The following CPT1A variants were observed in gnomAD, a reference collection of about 807,000 sequenced individuals.
CPT1A encodes the protein carnitine palmitoyltransferase 1A.
In CPT1A, 64 loss-of-function variants were observed where a neutral mutation model predicts 100.8. The ratio of observed to expected loss-of-function variants is 0.63; its 90% CI spans 0.52 to 0.78. The LOEUF is 0.78. Ranked by LOEUF, CPT1A falls within the 30% of genes least tolerant of loss-of-function variation. The pLI is 0.00. For missense variants in CPT1A, 802 were observed against 1,034.1 expected, an observed-to-expected ratio of 0.78 and a Z score of 3.08; for synonymous variants, 363 against 396.0, an observed-to-expected ratio of 0.92 and a Z score of 0.99.
upstream of CPT1A, among the ~76,000 whole-genome samples, chr11:68,843,350 G>A (rs943651600): frequency 3.3e-5 from 5 of 151,308 alleles, no homozygotes; most frequent in South Asian, 1.0e-3. This position sits in a 1 kb window ranked among gnomAD's most constrained non-coding sequence, Gnocchi z 4.0. Context: ...TGGACAATTA[G>A]GGCCTCCTCC....
chr11:68,812,467 A>G lies in CPT1A; in HGVS notation c.251T>C (p.Ile84Thr), dbSNP rs1856240911. 1 of 1,614,034 alleles carries G rather than the reference A, an allele frequency of 6.2e-7. No individual in the cohort carries two copies. Among genetic ancestry groups the G allele is most frequent in the African/African-American group, 1.3e-5 (1 of 74,896 alleles). Residue 84 changes from isoleucine to threonine, a missense_variant, in exon 3 of 19, where the codon ATT becomes ACT. By Grantham distance (89) the Ile-to-Thr change is moderately conservative (BLOSUM62 -1). Around this residue, in one of 4 missense-constraint regions of CPT1A, gnomAD observed 161 missense variants for 183.7 expected, o/e 0.88. Coordinates refer to ENST00000265641, the MANE Select transcript of CPT1A (RefSeq NM_001876.4). The part of the protein sequence containing the change: ...YAKIDPSLGI[I>T]AKINRTLETA... The stretch of plus-strand genomic sequence containing the variant: ...TTCCAGAGTCCGATTGATTTTTGCA[A>G]TTATTCCTAACGAGGGGTCGATCTT...
intron 1 of CPT1A, among the ~76,000 whole-genome samples, chr11:68,838,585 A>AAAC: frequency 6.8e-6 from 1 of 147,672 alleles, no homozygotes; most frequent in African/African-American, 2.5e-5. Context: ...AAAAAAAAAA[A>AAAC]AAAAAACAGA....
chr11:68,777,877 T>G (rs541774653), intron 12 of CPT1A, among the ~76,000 whole-genome samples: 1 of 152,206 alleles, frequency 6.6e-6, no homozygotes, highest in African/African-American at 2.4e-5. Context: ...GTGCAGAGAT[T>G]TATTAAAGCG....
intron 12 of CPT1A, among the ~76,000 whole-genome samples, chr11:68,778,077 G>A (rs1303896136): frequency 6.6e-6 from 1 of 151,566 alleles, no homozygotes; most frequent in Non-Finnish European, 1.5e-5. Context: ...AAAGCCTAGA[G>A]CACTATGTTT....
chr11:68,826,105 C>T (rs1248948293), intron 1 of CPT1A, among the ~76,000 whole-genome samples: 1 of 152,208 alleles, frequency 6.6e-6, no homozygotes, highest in Non-Finnish European at 1.5e-5. Context: ...AGACCAGAGT[C>T]TGAGAGTGGT....
intron 1 of CPT1A, among the ~76,000 whole-genome samples, chr11:68,826,578 CA>C (rs895233713): frequency 1.1e-4 from 16 of 144,036 alleles, no homozygotes; most frequent in Admixed American, 2.8e-4. Context: ...ACTAAAAATA[CA>C]AAAAAAAAAT....
chr11:68,804,234 C>CAAGG (rs1321720025), intron 4 of CPT1A, 133 bp from the exon 5 acceptor site: 21 of 721,928 alleles, frequency 2.9e-5, no homozygotes, highest in Admixed American at 1.6e-4. Flanking sequence ...ATTTCAAAGA[C>CAAGG]AAGGCTATGT....
intron 3 of CPT1A, 135 bp downstream of exon 3, chr11:68,812,302 A>T: frequency 7.8e-7 from 1 of 1,278,016 alleles, no homozygotes; most frequent in Non-Finnish European, 1.1e-6. Flanking sequence ...ACAGGAAGAA[A>T]GCTGACGTGA....
intron 10 of CPT1A, among the ~76,000 whole-genome samples, chr11:68,782,902 G>C (rs1426494173): frequency 1.3e-5 from 2 of 152,180 alleles, no homozygotes; most frequent in Non-Finnish European, 2.9e-5. Context: ...TGCTGATCTG[G>C]CCCTATCCAG....
In CPT1A at chr11:68,755,243, TG is replaced by T. The variant is rs1946668349; in HGVS notation, c.*2400del. ...ACTCAAAATGCCCTGTGAACTCTAG[TG>T]TAACACAGATTGCTCAGTGGTCAAC... On this transcript the variant is annotated 3_prime_UTR_variant, in exon 19 of 19. Coordinates refer to ENST00000265641, the MANE Select transcript of CPT1A (RefSeq NM_001876.4). 1 of 210,388 alleles carries T rather than the reference TG, an allele frequency of 4.8e-6. No homozygotes were observed. The highest frequency in any genetic ancestry group is 7.8e-5 in the South Asian group (1 of 12,770). 13.0% of individuals were successfully genotyped at this position (210,388 alleles called of 1,614,324 possible). A position where few individuals can be genotyped will look rare whatever the true frequency, so the allele number is the denominator to read the frequency against.
chr11:68,759,872 T>TAC lies in CPT1A; in HGVS notation c.2143-213_2143-212dup, dbSNP rs34518934. On this transcript the variant is annotated intron_variant, in intron 17 of 18. Coordinates refer to ENST00000265641, the MANE Select transcript of CPT1A (RefSeq NM_001876.4). ...GTGAAACCCTGTCTCTACAAAAAAA[T>TAC]ACACACACACACACAAATTAGCTGG... 0.35 allele frequency among the ~76,000 whole-genome samples: 51,886 copies of TAC among 150,204 alleles called. 11,222 individuals are homozygous for TAC. The highest frequency in any genetic ancestry group is 0.46 in the Non-Finnish European group (30,784 of 67,474).
chr11:68,794,173 GA>G (rs1360175164), intron 8 of CPT1A, among the ~76,000 whole-genome samples: 1 of 151,896 alleles, frequency 6.6e-6, no homozygotes, highest in Non-Finnish European at 1.5e-5. Flanking sequence ...CTAGAATTCC[GA>G]AAAAAAGAGT....
In CPT1A at chr11:68,789,314, G is replaced by C; in HGVS notation, c.967+4001C>G. 3.3e-5 allele frequency among the ~76,000 whole-genome samples: 5 copies of C among 152,212 alleles called. No individual in the cohort carries two copies. The South Asian group carries it at 1.0e-3, about 32-fold the overall frequency. On this transcript the variant is annotated intron_variant, in intron 9 of 18. Coordinates refer to ENST00000265641, the MANE Select transcript of CPT1A (RefSeq NM_001876.4). ...AGGATTGTGACTGATGGGATCCTCC[G>C]GTGGGGATGTCTGAGAAAGTGGGTG...
At chr11:68,772,112 G>T (rs1321141670) in intron 14 of CPT1A, among the ~76,000 whole-genome samples, 1 of 152,252 alleles carries the variant, frequency 6.6e-6, no homozygotes, top group Non-Finnish European at 1.5e-5. Flanking sequence ...AGCACTTTGG[G>T]AGGCCAAGGC....
At chr11:68,779,919 C>T (rs911659347) in intron 12 of CPT1A, among the ~76,000 whole-genome samples, 2 of 151,956 alleles carry the variant, frequency 1.3e-5, no homozygotes, top group Non-Finnish European at 2.9e-5. Context: ...GTAAAAGACA[C>T]GCTGCATGTT....
intron 11 of CPT1A, among the ~76,000 whole-genome samples, chr11:68,781,058 G>A (rs1015432653): frequency 1.3e-5 from 2 of 152,186 alleles, no homozygotes; most frequent in Non-Finnish European, 2.9e-5. Flanking sequence ...CCCTTCATCA[G>A]CCAATCCTTG....
At chr11:68,793,700 C>T (rs867570026) in intron 8 of CPT1A, among the ~76,000 whole-genome samples, 2 of 149,182 alleles carry the variant, frequency 1.3e-5, no homozygotes, top group Non-Finnish European at 1.5e-5. Context: ...GAGCTGAGAT[C>T]GTGCCACTAC....
chr11:68,776,311 A>T (rs1462512673), intron 12 of CPT1A, among the ~76,000 whole-genome samples: 1 of 152,168 alleles, frequency 6.6e-6, no homozygotes, highest in Non-Finnish European at 1.5e-5. Flanking sequence ...AGGTGGGAAG[A>T]TCACCTGAGC....
chr11:68,820,125 G>A (rs898418375), intron 1 of CPT1A, among the ~76,000 whole-genome samples: 1 of 151,710 alleles, frequency 6.6e-6, no homozygotes, highest in African/African-American at 2.4e-5. Context: ...TACTCCCCAA[G>A]CTCAGGTGAT....
Sources: allele counts gnomAD v4.1 joint callset (sites outside exome capture counted in the v4.1 genomes callset), GRCh38; gene constraint gnomAD v4.1.1; regional missense constraint gnomAD v4.1.1; non-coding constraint Gnocchi (gnomAD v3.1); transcripts MANE v1.5; gene names NCBI Gene and HGNC (gene_info 2026-07-23, HGNC 2026-07-21).